The following CLEC16A variants were observed in gnomAD, a reference collection of about 807,000 sequenced individuals.
CLEC16A encodes the protein protein CLEC16A.
In CLEC16A, 51 loss-of-function variants were observed where a neutral mutation model predicts 109.5. That is an observed-to-expected ratio of 0.47 (90% CI 0.37 to 0.59). CLEC16A has a LOEUF of 0.59. Ranked by LOEUF, CLEC16A falls within the 20% of genes least tolerant of loss-of-function variation. The pLI is 0.00. For synonymous variants in CLEC16A, 673 were observed against 564.2 expected (o/e 1.19, Z -2.73); for missense variants, 1,339 against 1,394.0 (o/e 0.96, Z 0.63).
At chr16:11,145,673 A>G (rs2054022969) in intron 22 of CLEC16A, among the ~76,000 whole-genome samples, 1 of 152,258 alleles carries the variant, frequency 6.6e-6, no homozygotes, top group African/African-American at 2.4e-5. Flanking sequence ...CCCTGGCAGG[A>G]CAGCAGGTGG....
At chr16:11,109,252 A>G (rs1225175600) in intron 19 of CLEC16A, among the ~76,000 whole-genome samples, 1 of 151,474 alleles carries the variant, frequency 6.6e-6, no homozygotes, top group Non-Finnish European at 1.5e-5. Context: ...TGCAACCTGG[A>G]ACTCCAGGCT....
chr16:10,945,351 G>C (rs1035863573), intron 1 of CLEC16A, among the ~76,000 whole-genome samples: 1 of 152,172 alleles, frequency 6.6e-6, no homozygotes, highest in South Asian at 2.1e-4. Flanking sequence ...TATTATAAAA[G>C]AACAGATTAT....
intron 13 of CLEC16A, among the ~76,000 whole-genome samples, chr16:11,036,544 C>CTTTTTTTTTTTTTTTTTTTTTTT (rs71404440): frequency 3.8e-5 from 5 of 131,898 alleles, no homozygotes; most frequent in African/African-American, 1.5e-4. Context: ...TCTAATTTTC[C>CTTTTTTTTTTTTTTTTTTTTTTT]TTTTTTTTTT....
chr16:11,116,487 A>G (rs2052003504), intron 19 of CLEC16A, among the ~76,000 whole-genome samples: 1 of 152,180 alleles, frequency 6.6e-6, no homozygotes, highest in Non-Finnish European at 1.5e-5. Flanking sequence ...TTCGGGGGTC[A>G]TGTGCTGGAG....
chr16:11,014,678 T>C (rs2045635580), intron 11 of CLEC16A, among the ~76,000 whole-genome samples: 1 of 152,216 alleles, frequency 6.6e-6, no homozygotes, highest in Non-Finnish European at 1.5e-5. Context: ...CAGAGCCCCC[T>C]GGAAATCCAG....
chr16:11,112,407 C>T (rs1000981393), intron 19 of CLEC16A, among the ~76,000 whole-genome samples: 2 of 150,706 alleles, frequency 1.3e-5, no homozygotes, highest in African/African-American at 4.9e-5. Flanking sequence ...CACCTATAAT[C>T]CCAGCACTTT....
chr16:11,058,278 T>A (rs2048311082), intron 18 of CLEC16A, among the ~76,000 whole-genome samples: 1 of 152,198 alleles, frequency 6.6e-6, no homozygotes, highest in Non-Finnish European at 1.5e-5. Context: ...CATCCCTCGG[T>A]ATCCATGGGG....
At chr16:11,090,350 G>T (rs933935944) in intron 19 of CLEC16A, among the ~76,000 whole-genome samples, 1 of 152,126 alleles carries the variant, frequency 6.6e-6, no homozygotes, top group Non-Finnish European at 1.5e-5. Flanking sequence ...AGAATGGGCT[G>T]TTACTTTCCT....
rs200307896 is a variant in CLEC16A, at chr16:11,181,864, G to A, written c.*3174G>A. The stretch of plus-strand genomic sequence containing the variant: ...GAGATGCACCGTTTTTTAAAAAGGC[G>A]TGGGGTGAACTGATTTTGATCTTCT... On this transcript the variant is annotated 3_prime_UTR_variant, in exon 24 of 24. Transcript: ENST00000409790. 6 of 152,684 alleles carry A rather than the reference G, an allele frequency of 3.9e-5. No individual in the cohort carries two copies. The highest frequency in any genetic ancestry group is 2.1e-4 in the South Asian group (1 of 4,834). The allele number at this position is 152,684 out of a possible 1,614,324, so 9.5% of individuals were successfully genotyped here.
intron 22 of CLEC16A, among the ~76,000 whole-genome samples, chr16:11,146,065 G>T (rs538812268): frequency 6.6e-6 from 1 of 152,324 alleles, no homozygotes; most frequent in African/African-American, 2.4e-5. Context: ...GGTGGCCTCT[G>T]TTTGGAGAAG....
At chr16:10,990,038 A>G (rs1407038221) in intron 10 of CLEC16A, among the ~76,000 whole-genome samples, 2 of 152,178 alleles carry the variant, frequency 1.3e-5, no homozygotes, top group East Asian at 3.8e-4. Flanking sequence ...GCTGGTTCCA[A>G]GGCGCGCACA....
chr16:10,976,702 GC>G (rs958117767), intron 7 of CLEC16A, among the ~76,000 whole-genome samples: 3 of 152,138 alleles, frequency 2.0e-5, no homozygotes, highest in African/African-American at 7.2e-5. Context: ...TTACCCCCTG[GC>G]CCCCCATCCC....
intron 13 of CLEC16A, among the ~76,000 whole-genome samples, chr16:11,030,576 C>G (rs577774166): frequency 5.9e-5 from 9 of 152,246 alleles, no homozygotes; most frequent in African/African-American, 2.2e-4. Context: ...AGAGTCTTTT[C>G]GAATCCTTAG....
chr16:11,091,012 C>T (rs1004891442), intron 19 of CLEC16A, among the ~76,000 whole-genome samples: 1 of 152,084 alleles, frequency 6.6e-6, no homozygotes, highest in Non-Finnish European at 1.5e-5. Flanking sequence ...GTTGCCCAGG[C>T]TAGTCTTAAA....
chr16:11,173,576 C>T (rs982161585), intron 23 of CLEC16A, among the ~76,000 whole-genome samples: 1 of 152,092 alleles, frequency 6.6e-6, no homozygotes, highest in Non-Finnish European at 1.5e-5. Flanking sequence ...TGGAGCGCCT[C>T]GAGCATCTGA....
chr16:11,128,258 G>C (rs1490853384), intron 22 of CLEC16A, among the ~76,000 whole-genome samples: 1 of 152,228 alleles, frequency 6.6e-6, no homozygotes, highest in Non-Finnish European at 1.5e-5. Flanking sequence ...TCATTTCTCT[G>C]TTTGCAGAAT....
intron 23 of CLEC16A, among the ~76,000 whole-genome samples, chr16:11,169,945 C>A (rs949774800): frequency 2.0e-5 from 3 of 151,890 alleles, no homozygotes; most frequent in African/African-American, 7.2e-5. Flanking sequence ...TCCTGCCACA[C>A]TCCGCCTCAC....
chr16:10,988,259 T>A (rs150470890), intron 10 of CLEC16A, among the ~76,000 whole-genome samples: 1 of 152,310 alleles, frequency 6.6e-6, no homozygotes, highest in East Asian at 1.9e-4. Flanking sequence ...TGTGGAATGG[T>A]TTCCTTCATT....
At position 11,092,541 on chromosome 16, in the gene CLEC16A, C is replaced by T. The variant is rs373988514; in HGVS notation, c.2117-28074C>T. Reference sequence around the variant, plus strand: ...CCTGGCTCTGTCTCAAAAACAAAAACACACACAAACACAAAAAAGCCCATG... The same window carrying T: ...CCTGGCTCTGTCTCAAAAACAAAAATACACACAAACACAAAAAAGCCCATG... On this transcript the variant is annotated intron_variant, in intron 19 of 23. Transcript: ENST00000409790. Among the ~76,000 whole-genome samples the T allele has an allele frequency of 1.7e-3, 258 of 152,284 alleles. 1 individual carries two copies. The highest frequency in any genetic ancestry group is 6.1e-3 in the African/African-American group (252 of 41,570).
Sources: allele counts gnomAD v4.1 joint callset (sites outside exome capture counted in the v4.1 genomes callset), GRCh38; gene constraint gnomAD v4.1.1; transcripts MANE v1.5; gene names NCBI Gene and HGNC (gene_info 2026-07-23, HGNC 2026-07-21).